EPHA6: variants seen among roughly 807,000 people sequenced by gnomAD.
EPHA6 encodes EPH receptor A6.
A neutral mutation model predicts 112.0 loss-of-function variants in EPHA6; 50 were observed. That is an observed-to-expected ratio of 0.45 (90% confidence interval 0.36 to 0.56). The LOEUF (loss-of-function observed/expected upper bound fraction) is 0.56, where lower values mean the gene tolerates loss of function less well. EPHA6 is among the 20% of genes least tolerant of loss of function. The pLI, the probability that EPHA6 is intolerant of heterozygous loss-of-function variation, is 0.00. For missense variants in EPHA6, 1,280 were observed against 1,417.4 expected (o/e 0.90, Z 1.56); for synonymous variants, 529 against 490.7 (o/e 1.08, Z -1.03).
intron 10 of EPHA6, among the ~76,000 whole-genome samples, chr3:97,508,505 G>A (rs2092300448): frequency 6.6e-6 from 1 of 152,164 alleles, no homozygotes; most frequent in South Asian, 2.1e-4. Flanking sequence ...GTTCTAATTT[G>A]ATTGCACTGT....
At position 97,637,586 on chromosome 3, in the gene EPHA6, C is replaced by A. The variant is rs185127040; in HGVS notation, c.2575-287C>A. Among the ~76,000 whole-genome samples the A allele has an allele frequency of 2.6e-4, 39 of 152,154 alleles. No homozygotes were observed. The East Asian group carries it at 5.4e-3, about 21-fold the overall frequency. On this transcript the variant is annotated intron_variant, in intron 13 of 17. Transcript: ENST00000389672. The stretch of plus-strand genomic sequence containing the variant: ...GCTCTTACTTTATTTCACTTTAGTT[C>A]TCTCCTATTACCTAAGCTTTTGAAA...
intron 3 of EPHA6, among the ~76,000 whole-genome samples, chr3:97,062,549 A>G (rs1329223612): frequency 6.6e-6 from 1 of 152,204 alleles, no homozygotes; most frequent in African/African-American, 2.4e-5. Context: ...GGTCTGCCCC[A>G]ACCCAAATCT....
At chr3:96,958,853 T>C (rs1028581210) in intron 2 of EPHA6, among the ~76,000 whole-genome samples, 2 of 152,206 alleles carry the variant, frequency 1.3e-5, no homozygotes, top group Non-Finnish European at 2.9e-5. Flanking sequence ...TAGTATTCCT[T>C]TTTATTCCCG....
intron 1 of EPHA6, among the ~76,000 whole-genome samples, chr3:96,866,301 A>G (rs1319765061): frequency 1.3e-5 from 2 of 152,100 alleles, no homozygotes; most frequent in African/African-American, 2.4e-5. Context: ...TCTTATAGCC[A>G]TAAGTAAACT....
At chr3:97,001,819 C>T (rs542428660) in intron 3 of EPHA6, among the ~76,000 whole-genome samples, 2 of 151,754 alleles carry the variant, frequency 1.3e-5, no homozygotes, top group Non-Finnish European at 2.9e-5. Flanking sequence ...ACATTGAGAC[C>T]GTAAAAACAA....
intron 3 of EPHA6, among the ~76,000 whole-genome samples, chr3:97,085,537 A>G (rs2046866693): frequency 6.6e-6 from 1 of 152,128 alleles, no homozygotes; most frequent in Admixed American, 6.6e-5. Flanking sequence ...TATGTCATAT[A>G]TGCTTTATAT....
intron 3 of EPHA6, among the ~76,000 whole-genome samples, chr3:97,132,575 T>C (rs1269163263): frequency 1.3e-5 from 2 of 152,090 alleles, no homozygotes; most frequent in African/African-American, 4.8e-5. Flanking sequence ...CTTGTGTTCC[T>C]GCCTGAAAGG....
intron 11 of EPHA6, among the ~76,000 whole-genome samples, chr3:97,532,780 G>A (rs1166216948): frequency 6.6e-6 from 1 of 151,944 alleles, no homozygotes; most frequent in Non-Finnish European, 1.5e-5. Flanking sequence ...TTAAAGTAAT[G>A]AATCAAGAGT....
chr3:97,058,207 G>T (rs1363723353), intron 3 of EPHA6, among the ~76,000 whole-genome samples: 1 of 151,636 alleles, frequency 6.6e-6, no homozygotes, highest in Non-Finnish European at 1.5e-5. Context: ...ATATAAATAT[G>T]TGAAAAAAAT....
At chr3:96,867,845 CTAAG>C (rs1188791970) in intron 2 of EPHA6, among the ~76,000 whole-genome samples, 1 of 151,918 alleles carries the variant, frequency 6.6e-6, no homozygotes, top group Non-Finnish European at 1.5e-5. Context: ...CAGTTATTCA[CTAAG>C]TGTGTATTTT....
chr3:97,542,431 T>C (rs1180414647), intron 11 of EPHA6, among the ~76,000 whole-genome samples: 1 of 152,218 alleles, frequency 6.6e-6, no homozygotes, highest in African/African-American at 2.4e-5. Flanking sequence ...AACTCATCAT[T>C]TTTTATGGCT....
intron 5 of EPHA6, among the ~76,000 whole-genome samples, chr3:97,258,476 T>G (rs368983515): frequency 1.2e-4 from 19 of 152,268 alleles, no homozygotes; most frequent in East Asian, 1.2e-3. Context: ...TGTGCAAACC[T>G]AAGCATGAAT....
At chr3:97,657,702 T>C (rs2094145264) in intron 14 of EPHA6, among the ~76,000 whole-genome samples, 1 of 151,820 alleles carries the variant, frequency 6.6e-6, no homozygotes, top group Non-Finnish European at 1.5e-5. Context: ...TCCTAGCCAC[T>C]ATTGAGACTA....
chr3:97,549,793 A>G (rs1577738930), intron 11 of EPHA6, among the ~76,000 whole-genome samples: 1 of 152,146 alleles, frequency 6.6e-6, no homozygotes, highest in Admixed American at 6.6e-5. Flanking sequence ...CCTGGGCGAC[A>G]AGGCGAGACT....
Position 97,373,315 on chromosome 3 carries a change from G to T in EPHA6, c.1607-31835G>T, listed in dbSNP as rs189221650. Among the ~76,000 whole-genome samples, 615 of 152,116 alleles carry T rather than the reference G, an allele frequency of 4.0e-3. 4 individuals are homozygous for T. The highest frequency in any genetic ancestry group is 0.013 in the African/African-American group (555 of 41,538). On this transcript the variant is annotated intron_variant, in intron 5 of 17. Transcript: ENST00000389672. ...TAATTTTTAAAATTATCATGTATAT[G>T]ATCTCACATTTCTGAAATTCAGCCT...
chr3:97,434,208 C>T (rs2107246796), intron 6 of EPHA6, among the ~76,000 whole-genome samples: 2 of 152,206 alleles, frequency 1.3e-5, no homozygotes, highest in East Asian at 3.9e-4. Flanking sequence ...TAAGTAACAG[C>T]ATAGAATTTA....
At chr3:97,025,178 A>G (rs9813225) in intron 3 of EPHA6, among the ~76,000 whole-genome samples, 3,774 of 152,314 alleles carry the variant, frequency 0.025, 136 homozygotes, top group African/African-American at 0.074. Flanking sequence ...GATAATGTAC[A>G]TAGGAGATTT....
At chr3:97,296,127 G>A (rs936193468) in intron 5 of EPHA6, among the ~76,000 whole-genome samples, 2 of 152,072 alleles carry the variant, frequency 1.3e-5, no homozygotes, top group Non-Finnish European at 2.9e-5. Context: ...GACAAACTTT[G>A]GGCTCCCTAG....
chr3:97,646,297 A>T, intron 14 of EPHA6: 4 of 1,527,530 alleles, frequency 2.6e-6, no homozygotes, highest in African/African-American at 1.4e-5. Flanking sequence ...GACAAGAGAG[A>T]TAACCCTCCA....
Sources: gnomAD v4.1 joint callset for allele counts (sites outside exome capture counted in the v4.1 genomes callset) on GRCh38, gnomAD v4.1.1 for gene constraint, MANE v1.5 for transcripts, NCBI Gene and HGNC (gene_info 2026-07-23, HGNC 2026-07-21) for gene names.